DGKH: variants seen among roughly 807,000 people sequenced by gnomAD.
DGKH encodes DAG kinase eta.
Under a neutral mutation model 159.3 loss-of-function variants are expected in DGKH, and 90 were observed. The ratio of observed to expected loss-of-function variants is 0.57; its 90% CI spans 0.48 to 0.67. DGKH has a LOEUF of 0.67. Ranked by LOEUF, DGKH falls within the 30% of genes least tolerant of loss-of-function variation. The probability of loss-of-function intolerance (pLI) is 0.00; values close to 1 mark genes in which losing one functional copy is unlikely to be tolerated. For missense variants in DGKH, 1,181 were observed against 1,506.1 expected (o/e 0.78, Z 3.57); for synonymous variants, 536 against 553.8 (o/e 0.97, Z 0.45).
chr13:42,228,672 A>G (rs1958204359), intron 29 of DGKH, among the ~76,000 whole-genome samples: 1 of 74,656 alleles, frequency 1.3e-5, no homozygotes, highest in South Asian at 3.9e-4. Flanking sequence ...AGGGAGAGAA[A>G]GAAAGAGAAA....
chr13:42,185,414 A>C (rs958412227), intron 13 of DGKH, among the ~76,000 whole-genome samples: 7 of 152,152 alleles, frequency 4.6e-5, no homozygotes, highest in Admixed American at 2.6e-4. Flanking sequence ...CCTCAGTGAC[A>C]TGGCACACTG....
chr13:42,041,760 C>T (rs1880523227), intron 1 of DGKH, among the ~76,000 whole-genome samples: 1 of 152,164 alleles, frequency 6.6e-6, no homozygotes, highest in Non-Finnish European at 1.5e-5. Context: ...TTTTGACTCT[C>T]CACGCCCTGC....
intron 1 of DGKH, among the ~76,000 whole-genome samples, chr13:42,101,611 C>G (rs1954653356): frequency 6.6e-6 from 1 of 152,008 alleles, no homozygotes; most frequent in South Asian, 2.1e-4. Flanking sequence ...TCAGGGACTT[C>G]TGGAGGAGAA....
intron 13 of DGKH, chr13:42,181,794 T>G (rs1956772362): frequency 2.4e-6 from 1 of 409,486 alleles, no homozygotes; most frequent in Admixed American, 2.6e-5. Flanking sequence ...AGCAGGAGAC[T>G]CAACTGCAGT....
At chr13:42,212,641 G>A (rs1468295655) in intron 24 of DGKH, among the ~76,000 whole-genome samples, 1 of 152,186 alleles carries the variant, frequency 6.6e-6, no homozygotes, top group Non-Finnish European at 1.5e-5. Flanking sequence ...TTTTGCAGAT[G>A]AAATCAGGCT....
At position 42,105,650 on chromosome 13, in the gene DGKH, T is replaced by C. The variant is rs1954736533; in HGVS notation, c.193-21813T>C. 2.0e-5 allele frequency among the ~76,000 whole-genome samples: 3 copies of C among 152,240 alleles called. No homozygotes were observed. The South Asian group carries it at 6.2e-4, about 31-fold the overall frequency. ...GGATGTTGTCCTAAACTTTGATGTT[T>C]ATTCTTCCACATGCTAGCTCAGGTT... is the stretch of plus-strand genomic sequence containing the variant. On this transcript the variant is annotated intron_variant, in intron 1 of 29. Coordinates refer to ENST00000337343, the MANE Select transcript of DGKH (RefSeq NM_178009.5).
intron 30 of DGKH, among the ~76,000 whole-genome samples, chr13:42,254,791 T>C (rs1958645345): frequency 6.6e-6 from 1 of 152,208 alleles, no homozygotes; most frequent in South Asian, 2.1e-4. Flanking sequence ...TATATACTAA[T>C]ATAAATTCTG....
At chr13:42,221,526 T>A (rs1957973066) in intron 29 of DGKH, 132 bp downstream of exon 29, 1 of 1,174,786 alleles carries the variant, frequency 8.5e-7, no homozygotes, top group East Asian at 2.6e-5. Context: ...ACATTCACTG[T>A]CCTGTGGTCT....
intron 23 of DGKH, among the ~76,000 whole-genome samples, chr13:42,209,707 CT>C (rs773376741): frequency 8.6e-5 from 13 of 151,152 alleles, no homozygotes; most frequent in Non-Finnish European, 1.5e-5. Context: ...TTCCTATATA[CT>C]TCCTCCTCCC....
At chr13:42,112,223 A>G (rs685951) in intron 1 of DGKH, among the ~76,000 whole-genome samples, 122,505 of 151,586 alleles carry the variant, frequency 0.81, 50,030 homozygotes, top group African/African-American at 0.89. Flanking sequence ...AATATTAAAT[A>G]TCAAGGTTTT....
chr13:42,058,713 T>C (rs554399757), intron 1 of DGKH, among the ~76,000 whole-genome samples: 2 of 152,352 alleles, frequency 1.3e-5, no homozygotes, highest in Non-Finnish European at 2.9e-5. Flanking sequence ...GATGGAGCTA[T>C]GTAACTGACT....
rs770761670 is a variant in DGKH, at chr13:42,209,377, T to C, written c.2762T>C (p.Val921Ala). 1.5e-5 allele frequency: 25 copies of C among 1,613,642 alleles called. No homozygotes were observed. Among genetic ancestry groups the C allele is most frequent in the Non-Finnish European group, 2.1e-5 (25 of 1,179,836 alleles). ...ITIFGDEGVP[V>A]QVDGEAWVQP... ...ATATTTGGTGACGAAGGAGTCCCAG[T>C]GCAAGTGGATGGTGAAGCGTGGGTT... The change falls in exon 23 of 30, where the codon GTG becomes GCG. Residue 921 changes from valine to alanine, a missense_variant. Coordinates refer to ENST00000337343, the MANE Select transcript of DGKH (RefSeq NM_178009.5).
chr13:42,213,269 A>G (rs938758745), intron 24 of DGKH, among the ~76,000 whole-genome samples: 1 of 152,208 alleles, frequency 6.6e-6, no homozygotes, highest in African/African-American at 2.4e-5. Context: ...ATGGGTATGA[A>G]TTAGGAAACA....
chr13:42,146,747 T>A (rs1955745407), intron 3 of DGKH, among the ~76,000 whole-genome samples: 1 of 152,362 alleles, frequency 6.6e-6, no homozygotes, highest in South Asian at 2.1e-4. Flanking sequence ...CATATAGTTG[T>A]TGTATATGGA....
chr13:42,095,350 A>G (rs1954505691), intron 1 of DGKH, among the ~76,000 whole-genome samples: 1 of 151,406 alleles, frequency 6.6e-6, no homozygotes, highest in Non-Finnish European at 1.5e-5. Flanking sequence ...TTTTGTAGAG[A>G]TGGGATTTCA....
chr13:42,201,474 A>G (rs1347341360), intron 20 of DGKH, among the ~76,000 whole-genome samples: 1 of 152,178 alleles, frequency 6.6e-6, no homozygotes, highest in Non-Finnish European at 1.5e-5. Context: ...GCTGGATCTG[A>G]ATGGCTGGAT....
At chr13:42,252,609 G>A (rs1336206899) in intron 30 of DGKH, 5 of 152,660 alleles carry the variant, frequency 3.3e-5, no homozygotes, top group African/African-American at 1.2e-4. Context: ...CCACAGAATA[G>A]GGATCCCATG....
At chr13:42,130,098 T>C (rs1186763056) in intron 3 of DGKH, among the ~76,000 whole-genome samples, 1 of 152,270 alleles carries the variant, frequency 6.6e-6, no homozygotes, top group Non-Finnish European at 1.5e-5. Context: ...TCTTCTTTTC[T>C]GATCACAGAT....
chr13:42,069,602 T>C, intron 1 of DGKH: 1 of 1,485,278 alleles, frequency 6.7e-7, no homozygotes. Flanking sequence ...ACCAATCCAT[T>C]CCTTTCACAT....
Sources: gnomAD v4.1 joint callset for allele counts (sites outside exome capture counted in the v4.1 genomes callset) on GRCh38, gnomAD v4.1.1 for gene constraint, MANE v1.5 for transcripts, NCBI Gene and HGNC (gene_info 2026-07-23, HGNC 2026-07-21) for gene names.